Variants in UBE2L6 observed in about 807,000 individuals in gnomAD.
UBE2L6 encodes the protein ubiquitin conjugating enzyme E2 L6, also known as ubiquitin/ISG15-conjugating enzyme E2 L6.
Under a neutral mutation model 13.6 loss-of-function variants are expected in UBE2L6, and 11 were observed. The ratio of observed to expected loss-of-function variants is 0.81; its 90% confidence interval spans 0.51 to 1.34. The LOEUF (loss-of-function observed/expected upper bound fraction) is 1.34, where lower values mean the gene tolerates loss of function less well. UBE2L6 is among the 40% of genes most tolerant of loss of function. The pLI, the probability that UBE2L6 is intolerant of heterozygous loss-of-function variation, is 0.00. For missense variants in UBE2L6, 197 were observed against 199.5 expected, an observed-to-expected ratio of 0.99 and a Z score of 0.07; for synonymous variants, 74 against 83.2, an observed-to-expected ratio of 0.89 and a Z score of 0.60.
intron 3 of UBE2L6, among the ~76,000 whole-genome samples, chr11:57,554,113 C>T (rs958100878): frequency 6.6e-6 from 1 of 152,160 alleles, no homozygotes; most frequent in Non-Finnish European, 1.5e-5. Flanking sequence ...CACCGAGTCC[C>T]AGAAAGGAAC....
At chr11:57,556,592 CAAAAAAAAAAA>C (rs368936864) in intron 2 of UBE2L6, among the ~76,000 whole-genome samples, 5 of 73,718 alleles carry the variant, frequency 6.8e-5, no homozygotes, top group African/African-American at 1.8e-4. Context: ...AACTCCGTCT[CAAAAAAAAAAA>C]AAAAAAAAAA....
intron 3 of UBE2L6, among the ~76,000 whole-genome samples, chr11:57,552,807 C>T (rs1489346576): frequency 5.3e-5 from 8 of 152,198 alleles, no homozygotes; most frequent in African/African-American, 1.9e-4. Flanking sequence ...TCAACAAAAA[C>T]TGCTCTGTTT....
At chr11:57,560,143 T>C (rs1386637231) in intron 2 of UBE2L6, among the ~76,000 whole-genome samples, 194 bp downstream of exon 2, 1 of 152,208 alleles carries the variant, frequency 6.6e-6, no homozygotes, top group Non-Finnish European at 1.5e-5. Context: ...TTGGCATCTT[T>C]ATCAGAAGGT....
chr11:57,557,084 A>T (rs146196760), intron 2 of UBE2L6, among the ~76,000 whole-genome samples: 2 of 148,448 alleles, frequency 1.3e-5, no homozygotes, highest in Non-Finnish European at 3.0e-5. Context: ...AAAAAAAAGG[A>T]AAGAAAAGAA....
chr11:57,561,437 C>T (rs903238998), intron 1 of UBE2L6, among the ~76,000 whole-genome samples: 11 of 151,884 alleles, frequency 7.2e-5, no homozygotes, highest in African/African-American at 1.9e-4. Context: ...GAGTAATGGA[C>T]GAAACATGGA....
intron 1 of UBE2L6, among the ~76,000 whole-genome samples, chr11:57,565,356 GTTT>G (rs370848897): frequency 6.1e-5 from 6 of 98,146 alleles, no homozygotes; most frequent in Non-Finnish European, 1.2e-4. Context: ...TGTATTAGTT[GTTT>G]TTTTTTTTTT....
chr11:57,566,310 A>G (rs1945092337), intron 1 of UBE2L6, among the ~76,000 whole-genome samples: 1 of 152,196 alleles, frequency 6.6e-6, no homozygotes, highest in African/African-American at 2.4e-5. Context: ...CCTGACTCAG[A>G]GGAACAGAAA....
At chr11:57,554,770 G>A in intron 2 of UBE2L6, 147 bp from the exon 3 acceptor site, 1 of 865,062 alleles carries the variant, frequency 1.2e-6, no homozygotes, top group South Asian at 1.6e-5. Context: ...TGACAATTGA[G>A]TCATGGATTA....
intron 1 of UBE2L6, among the ~76,000 whole-genome samples, chr11:57,566,040 GCCCTTCATT>G (rs1183055771): frequency 7.3e-5 from 11 of 151,588 alleles, no homozygotes; most frequent in African/African-American, 2.7e-4. Flanking sequence ...AGGGTCAATG[GCCCTTCATT>G]TATCTTTACC....
At chr11:57,565,378 T>G (rs376710550) in intron 1 of UBE2L6, among the ~76,000 whole-genome samples, 20,352 of 146,350 alleles carry the variant, frequency 0.14, 1,829 homozygotes, top group Middle Eastern at 0.26. Flanking sequence ...TTTTTTTTTT[T>G]TTTTGAGACA....
rs746281776 is a variant in UBE2L6 at position 57,554,674 on chromosome 11, T to C, written c.124-51A>G. On this transcript the variant is annotated intron_variant, in intron 2 of 3. Coordinates refer to ENST00000287156, the MANE Select transcript of UBE2L6 (RefSeq NM_004223.5). The stretch of plus-strand genomic sequence containing the variant: ...CTCCAGTCTGGTTTTCCTCCCTTCC[T>C]GCCCCAATCCGAGGGTCCTAGGCAT... 1.9e-6 allele frequency: 3 copies of C among 1,607,196 alleles called. No homozygotes were observed. In the Admixed American group the frequency reaches 5.0e-5, roughly 27 times the overall value.
At chr11:57,561,146 C>T (rs894490588) in intron 1 of UBE2L6, among the ~76,000 whole-genome samples, 2 of 152,190 alleles carry the variant, frequency 1.3e-5, no homozygotes, top group Admixed American at 1.3e-4. Flanking sequence ...TTCCTTTCTT[C>T]CTTCCGTAAG....
intron 1 of UBE2L6, among the ~76,000 whole-genome samples, chr11:57,563,657 C>T (rs746427447): frequency 6.6e-6 from 1 of 150,518 alleles, no homozygotes; most frequent in South Asian, 2.1e-4. Flanking sequence ...TTTGGGAGGC[C>T]GAGGCAGGTG....
chr11:57,560,910 G>A (rs1055734001), intron 1 of UBE2L6, among the ~76,000 whole-genome samples: 9 of 151,844 alleles, frequency 5.9e-5, no homozygotes, highest in Middle Eastern at 3.4e-3. Flanking sequence ...GTGAGCTACC[G>A]CGCCCAGCCG....
chr11:57,558,044 A>G (rs995120565), intron 2 of UBE2L6, among the ~76,000 whole-genome samples: 2 of 152,116 alleles, frequency 1.3e-5, no homozygotes, highest in Non-Finnish European at 2.9e-5. Flanking sequence ...ACTACCTTCT[A>G]AGTTCTAGGT....
intron 2 of UBE2L6, among the ~76,000 whole-genome samples, chr11:57,557,067 C>CAA (rs199843337): frequency 2.4e-5 from 3 of 124,294 alleles, no homozygotes; most frequent in Non-Finnish European, 5.2e-5. Flanking sequence ...ACTCTGTCAC[C>CAA]AAAAAAAAAA....
intron 1 of UBE2L6, among the ~76,000 whole-genome samples, chr11:57,565,608 G>A (rs551879256): frequency 1.2e-4 from 19 of 152,072 alleles, no homozygotes; most frequent in African/African-American, 1.9e-4. Flanking sequence ...CAAGCAGTCC[G>A]CGAACCTCAG....
intron 1 of UBE2L6, among the ~76,000 whole-genome samples, chr11:57,563,708 G>A (rs1348305644): frequency 4.0e-5 from 6 of 148,506 alleles, no homozygotes; most frequent in East Asian, 4.0e-4. Flanking sequence ...TGGCTAACAC[G>A]GTGAAACCTC....
chr11:57,557,087 G>C (rs1945003839), intron 2 of UBE2L6, among the ~76,000 whole-genome samples: 1 of 149,484 alleles, frequency 6.7e-6, no homozygotes. Flanking sequence ...AAAAAGGAAA[G>C]AAAAGAAAAG....
Sources: allele counts gnomAD v4.1 joint callset (sites outside exome capture counted in the v4.1 genomes callset), GRCh38; gene constraint gnomAD v4.1.1; transcripts MANE v1.5; gene names NCBI Gene and HGNC (gene_info 2026-07-23, HGNC 2026-07-21).